DHX34: variants seen among roughly 807,000 people sequenced by gnomAD.
DHX34 encodes probable ATP-dependent RNA helicase DHX34.
In DHX34, 96 loss-of-function variants were observed where a neutral mutation model predicts 111.1. The ratio of observed to expected loss-of-function variants is 0.86; its 90% CI spans 0.73 to 1.02. The LOEUF (loss-of-function observed/expected upper bound fraction) is 1.02. Ranked by LOEUF, DHX34 falls within the 50% of genes least tolerant of loss-of-function variation. The pLI is 0.00. For synonymous variants in DHX34, 688 were observed against 670.4 expected, an observed-to-expected ratio of 1.03 and a Z score of -0.41; for missense variants, 1,560 against 1,579.9, an observed-to-expected ratio of 0.99 and a Z score of 0.21.
chr19:47,373,350 A>AT, intron 8 of DHX34: 1 of 466,392 alleles, frequency 2.1e-6, no homozygotes, highest in Non-Finnish European at 2.8e-6. Flanking sequence ...CACTGATGTG[A>AT]CAGTGACAAC....
chr19:47,353,857 C>A lies in DHX34; in HGVS notation c.705+122C>A. 2 of 976,660 alleles carry A rather than the reference C, an allele frequency of 2.0e-6. No individual in the cohort carries two copies. The highest frequency in any genetic ancestry group is 2.9e-6 in the Non-Finnish European group (2 of 684,678). The allele number at this position is 976,660 out of a possible 1,614,324, so 60.5% of individuals were successfully genotyped here. A position where few individuals can be genotyped will look rare whatever the true frequency, so the allele number is the denominator to read the frequency against. The stretch of plus-strand genomic sequence containing the variant: ...ACCCTTGGACCCAGCGATGATTCTT[C>A]TAGAACTTTATCCACAGAGTGGCTT... On this transcript the variant is annotated intron_variant, in intron 2 of 16. Transcript: ENST00000328771. This position sits in a 1 kb window ranked among gnomAD's most constrained non-coding sequence, Gnocchi z 4.6.
chr19:47,358,974 G>A lies in DHX34; in HGVS notation c.1272+854G>A, dbSNP rs1436090483. Among the ~76,000 whole-genome samples the A allele has an allele frequency of 2.0e-5, 3 of 152,060 alleles. No homozygotes were observed. In the East Asian group the frequency reaches 5.8e-4, roughly 29 times the overall value. ...GAGGTCTCACTGTGTTGCGCAGGCTGGTTTCAAACTCCTGAGCTCAAGCGA... is the reference window on the plus strand; with the variant it reads ...GAGGTCTCACTGTGTTGCGCAGGCTAGTTTCAAACTCCTGAGCTCAAGCGA... On this transcript the variant is annotated intron_variant, in intron 4 of 16. Coordinates refer to ENST00000328771, the MANE Select transcript of DHX34 (RefSeq NM_014681.6).
At chr19:47,381,548 T>G in intron 16 of DHX34, 1 of 633,008 alleles carries the variant, frequency 1.6e-6, no homozygotes, top group Non-Finnish European at 2.7e-6. Context: ...CCCTGTGGTG[T>G]CTCTGTGTTG....
intron 13 of DHX34, among the ~76,000 whole-genome samples, chr19:47,379,329 G>A (rs1374759645): frequency 1.4e-5 from 2 of 143,356 alleles, no homozygotes; most frequent in African/African-American, 2.5e-5. Context: ...ATGAGCCACA[G>A]CACTGGTAAT....
In DHX34 at chr19:47,353,697, C is replaced by T. The variant is rs1309997339; in HGVS notation, c.667C>T (p.Arg223Cys). Reference sequence around the variant, plus strand: ...GATCGCCTGCATCTCACTGGCCAAGCGTGTGGGCTTTGAGAGCCTCAGTCA... The same window carrying T: ...GATCGCCTGCATCTCACTGGCCAAGTGTGTGGGCTTTGAGAGCCTCAGTCA... ...RRIACISLAK[R>C]VGFESLSQYG... The change falls in exon 2 of 17, where the codon CGT becomes TGT. Residue 223 changes from arginine to cysteine, a missense_variant. Transcript: ENST00000328771. The surrounding 1 kb of genome is among the most constrained non-coding windows in gnomAD (Gnocchi z 4.6). 8 of 1,607,856 alleles carry T rather than the reference C, an allele frequency of 5.0e-6. No individual in the cohort carries two copies. The highest frequency in any genetic ancestry group is 4.5e-5 in the East Asian group (2 of 44,754).
intron 5 of DHX34, among the ~76,000 whole-genome samples, chr19:47,360,506 G>C (rs540458751): frequency 3.5e-4 from 54 of 152,214 alleles, no homozygotes; most frequent in African/African-American, 1.2e-3. Context: ...TCTCTGCCGA[G>C]AGCTGTCTTT....
Position 47,375,908 on chromosome 19 carries a change from C to T in DHX34, c.2308-16C>T. The T allele has an allele frequency of 2.5e-6, 4 of 1,593,670 alleles. No individual in the cohort carries two copies. The highest frequency in any genetic ancestry group is 2.7e-5 in the African/African-American group (2 of 73,588). ...CTCAGGTCCCCTAAGACTCTGCCTC[C>T]CCGTGCTCCCCCCAGGATGTGAAGT... is the stretch of plus-strand genomic sequence containing the variant. On this transcript the variant is annotated splice_polypyrimidine_tract_variant and intron_variant, in intron 10 of 16. Coordinates refer to ENST00000328771, the MANE Select transcript of DHX34 (RefSeq NM_014681.6).
At chr19:47,362,207 C>T (rs1253123191) in intron 5 of DHX34, among the ~76,000 whole-genome samples, 1 of 138,516 alleles carries the variant, frequency 7.2e-6, no homozygotes, top group Non-Finnish European at 1.5e-5. Context: ...GAGGTTGAGA[C>T]TGCAGTGAGC....
chr19:47,353,313 G>T lies in DHX34; in HGVS notation c.283G>T (p.Asp95Tyr). 1 of 1,614,150 alleles carries T rather than the reference G, an allele frequency of 6.2e-7. No homozygotes were observed. The highest frequency in any genetic ancestry group is 8.5e-7 in the Non-Finnish European group (1 of 1,180,026). ...QPKHSIPALADLPRTYDPRYR... is the reference protein window; with the variant it reads ...QPKHSIPALAYLPRTYDPRYR... The stretch of plus-strand genomic sequence containing the variant: ...CAAGCACAGCATCCCAGCGCTGGCC[G>T]ACCTACCTCGCACTTACGACCCACG... The change falls in exon 2 of 17, where the codon GAC (aspartate) becomes TAC (tyrosine). Residue 95 changes from aspartate (D) to tyrosine (Y), a missense_variant. Coordinates refer to ENST00000328771, the MANE Select transcript of DHX34 (RefSeq NM_014681.6). The surrounding 1 kb of genome is among the most constrained non-coding windows in gnomAD (Gnocchi z 4.6).
At chr19:47,379,107 C>T (rs921943319) in intron 13 of DHX34, among the ~76,000 whole-genome samples, 2 of 151,756 alleles carry the variant, frequency 1.3e-5, no homozygotes, top group Non-Finnish European at 2.9e-5. Context: ...CCAGCCTGGG[C>T]AACAGAGTGA....
At position 47,380,952 on chromosome 19, in the gene DHX34, G is replaced by A; in HGVS notation, c.3119G>A (p.Gly1040Asp). ...STLSPHPTKG[G>D]YAVTDFLTYN... ...CTGTCCCCCCACCCCACAAAGGGGGGCTACGCAGTCACTGACTTCCTCACC... is the reference window on the plus strand; with the variant it reads ...CTGTCCCCCCACCCCACAAAGGGGGACTACGCAGTCACTGACTTCCTCACC... The change falls in exon 15 of 17, where the codon GGC becomes GAC. Residue 1040 changes from glycine to aspartate, a missense_variant. Transcript: ENST00000328771. 6.2e-7 allele frequency: 1 copy of A among 1,600,376 alleles called. No homozygotes were observed. The highest frequency in any genetic ancestry group is 8.5e-7 in the Non-Finnish European group (1 of 1,174,076).
rs1970338784 is a variant in DHX34 at position 47,381,011 on chromosome 19, TC to T, written c.3159+22del. On this transcript the variant is annotated intron_variant, in intron 15 of 16. Coordinates refer to ENST00000328771, the MANE Select transcript of DHX34 (RefSeq NM_014681.6). ...CCTCACGGTAAGCATGAACCCTCCT[TC>T]CCTGAAGGTGGGATTTCAGGAAGAC... is the stretch of plus-strand genomic sequence containing the variant. The T allele has an allele frequency of 3.2e-6, 5 of 1,547,626 alleles. No individual in the cohort carries two copies. The highest frequency in any genetic ancestry group is 4.4e-6 in the Non-Finnish European group (5 of 1,146,502).
intron 9 of DHX34, 186 bp from the exon 10 acceptor site, chr19:47,375,280 C>T: frequency 1.0e-6 from 1 of 985,448 alleles, no homozygotes; most frequent in African/African-American, 1.7e-5. Flanking sequence ...CCCGGTGTTC[C>T]CTCCACTGAC....
In DHX34 at chr19:47,353,434, G is replaced by C; in HGVS notation, c.404G>C (p.Arg135Pro). 1 of 1,614,164 alleles carries C rather than the reference G, an allele frequency of 6.2e-7. No individual in the cohort carries two copies. The highest frequency in any genetic ancestry group is 8.5e-7 in the Non-Finnish European group (1 of 1,180,040). ...GCGGAGAGAGTGGCTGAGTTCCGCC[G>C]AGCCCTGTTGCACTACCTGGACTTT... is the stretch of plus-strand genomic sequence containing the variant. The part of the protein sequence containing the change: ...LPAERVAEFR[R>P]ALLHYLDFGQ... The change falls in exon 2 of 17, where the codon CGA becomes CCA. Residue 135 changes from arginine to proline, a missense_variant. Physicochemically the swap from Arg to Pro is moderately radical, Grantham distance 103. Coordinates refer to ENST00000328771, the MANE Select transcript of DHX34 (RefSeq NM_014681.6). This position sits in a 1 kb window ranked among gnomAD's most constrained non-coding sequence, Gnocchi z 4.6.
intron 6 of DHX34, among the ~76,000 whole-genome samples, chr19:47,365,192 G>T (rs1221245333): frequency 6.6e-6 from 1 of 151,422 alleles, no homozygotes; most frequent in Admixed American, 6.6e-5. Context: ...CCCAGGCCCT[G>T]CCCCCTGCCT....
rs374173441 is a variant in DHX34 at position 47,355,364 on chromosome 19, C to G, written c.1017+14C>G. The G allele has an allele frequency of 1.2e-6, 2 of 1,605,704 alleles. No individual in the cohort carries two copies. The highest frequency in any genetic ancestry group is 3.3e-5 in the Admixed American group (2 of 59,838). ...TTCCCCATCACGGTGAGTACTTCCCCCTCCTCCCACATCCCCAGACCTCCA... is the reference window on the plus strand; with the variant it reads ...TTCCCCATCACGGTGAGTACTTCCCGCTCCTCCCACATCCCCAGACCTCCA... On this transcript the variant is annotated intron_variant, in intron 3 of 16. Transcript: ENST00000328771.
rs1255294442 is a variant in DHX34 at position 47,352,683 on chromosome 19, AAAAAC to A, written c.-277-60_-277-56del. On this transcript the variant is annotated intron_variant, in intron 1 of 16. Coordinates refer to ENST00000328771, the MANE Select transcript of DHX34 (RefSeq NM_014681.6). ...GAGTGAGACCCTGCCTCAAAAAGAA[AAAAAC>A]AAAACAAAACCAAAAAAAGCAATGT... The A allele has an allele frequency of 2.9e-4, 69 of 236,840 alleles. 1 individual carries two copies. Among genetic ancestry groups the A allele is most frequent in the African/African-American group, 8.0e-4 (35 of 43,892 alleles). 14.7% of individuals were successfully genotyped at this position (236,840 alleles called of 1,614,324 possible).
At chr19:47,366,284 T>TTTTA (rs1969783251) in intron 6 of DHX34, among the ~76,000 whole-genome samples, 1 of 152,058 alleles carries the variant, frequency 6.6e-6, no homozygotes, top group African/African-American at 2.4e-5. Context: ...TTTTATTTTA[T>TTTTA]TTTATTTTAT....
intron 6 of DHX34, among the ~76,000 whole-genome samples, chr19:47,364,078 C>T (rs929692371): frequency 1.3e-5 from 2 of 152,098 alleles, no homozygotes; most frequent in South Asian, 4.1e-4. Context: ...ATTCAGGGAC[C>T]CAGGGTCCTT....
Sources: gnomAD v4.1 joint callset for allele counts (sites outside exome capture counted in the v4.1 genomes callset) on GRCh38, gnomAD v4.1.1 for gene constraint, Gnocchi (gnomAD v3.1) non-coding constraint, MANE v1.5 for transcripts, NCBI Gene and HGNC (gene_info 2026-07-23, HGNC 2026-07-21) for gene names.